Variants in TRAK2 observed in about 807,000 individuals in gnomAD.
TRAK2 encodes the protein trafficking kinesin protein 2.
In TRAK2, 81 loss-of-function variants were observed where a neutral mutation model predicts 104.6. The observed-to-expected ratio is 0.77, with a 90% confidence interval of 0.65 to 0.93. The LOEUF is 0.93. Ranked by LOEUF, TRAK2 falls within the 40% of genes least tolerant of loss-of-function variation. The pLI, the probability that TRAK2 is intolerant of heterozygous loss-of-function variation, is 0.00. For synonymous variants in TRAK2, 406 were observed against 394.4 expected, an observed-to-expected ratio of 1.03 and a Z score of -0.35; for missense variants, 1,002 against 1,089.0, an observed-to-expected ratio of 0.92 and a Z score of 1.12.
At position 201,398,151 on chromosome 2, in the gene TRAK2, T is replaced by A; in HGVS notation, c.684A>T (p.Arg228=). 6.2e-7 allele frequency: 1 copy of A among 1,613,392 alleles called. No individual in the cohort carries two copies. The highest frequency in any genetic ancestry group is 1.1e-5 in the South Asian group (1 of 91,054). Residue 228 remains arginine, a synonymous_variant, in exon 6 of 16, where the codon CGA becomes CGT. Transcript: ENST00000332624. ...GCAATTAGGTTGAACGTACCTTGGA[T>A]CGAAGAGCCATATTCTCTTCTTCCA... ...KELEEENMAL[R]SKACHIKTET...
Position 201,384,162 on chromosome 2 carries a change from A to G in TRAK2, c.2018T>C (p.Phe673Ser), listed in dbSNP as rs1400352525. 6.2e-7 allele frequency: 1 copy of G among 1,613,656 alleles called. No individual in the cohort carries two copies. Among genetic ancestry groups the G allele is most frequent in the African/African-American group, 1.3e-5 (1 of 74,990 alleles). ...GGGATGTAATATTCTACAGGTGGTG[A>G]AAGTGAATGTTGAGTTTGTGCACGA... ...CLSCTNSTFT[F>S]TTCRILHPSD... The change falls in exon 15 of 16, where the codon TTC (phenylalanine) becomes TCC (serine). Residue 673 changes from phenylalanine (F) to serine (S), a missense_variant. Phe to Ser is a radical substitution (Grantham distance 155). Coordinates refer to ENST00000332624, the MANE Select transcript of TRAK2 (RefSeq NM_015049.3).
chr2:201,410,662 T>TG, intron 2 of TRAK2: 1 of 1,298,846 alleles, frequency 7.7e-7, no homozygotes, highest in Non-Finnish European at 1.1e-6. Context: ...AAAGGCAGAT[T>TG]GTCCTATCAT....
intron 3 of TRAK2, among the ~76,000 whole-genome samples, chr2:201,406,343 A>G (rs1337551597): frequency 1.3e-5 from 2 of 152,246 alleles, no homozygotes; most frequent in East Asian, 1.9e-4. Context: ...AGTATTTCAC[A>G]GTAGACATTC....
intron 10 of TRAK2, among the ~76,000 whole-genome samples, chr2:201,390,419 C>CCGGG (rs1477449205): frequency 7.2e-6 from 1 of 137,974 alleles, no homozygotes; most frequent in East Asian, 2.1e-4. Context: ...AAAAAATTAG[C>CCGGG]CGGGTGTGCT....
At chr2:201,427,408 G>A (rs1021972141) in intron 1 of TRAK2, among the ~76,000 whole-genome samples, 3 of 148,834 alleles carry the variant, frequency 2.0e-5, no homozygotes, top group Non-Finnish European at 4.4e-5. Context: ...AACTATGAGT[G>A]AGAACATGTG....
At chr2:201,440,824 G>T (rs1188195899) in intron 1 of TRAK2, among the ~76,000 whole-genome samples, 1 of 152,104 alleles carries the variant, frequency 6.6e-6, no homozygotes, top group Non-Finnish European at 1.5e-5. Context: ...AAAAAAATTT[G>T]CAACCTCTGG....
At chr2:201,391,160 T>C (rs1413608287) in intron 10 of TRAK2, among the ~76,000 whole-genome samples, 1 of 152,102 alleles carries the variant, frequency 6.6e-6, no homozygotes, top group East Asian at 1.9e-4. Context: ...TTTGGAGAAA[T>C]GGCTGATTCC....
chr2:201,413,145 T>C, intron 2 of TRAK2: 3 of 1,436,804 alleles, frequency 2.1e-6, no homozygotes, highest in Non-Finnish European at 1.9e-6. Context: ...CTTTGTTGAC[T>C]TTTTTGTGCC....
At chr2:201,415,809 C>T (rs899210381) in intron 2 of TRAK2, among the ~76,000 whole-genome samples, 1 of 151,860 alleles carries the variant, frequency 6.6e-6, no homozygotes, top group African/African-American at 2.4e-5. Context: ...AAATGGTGGC[C>T]GAAGTCTTCC....
At chr2:201,382,097 C>T (rs909030004) in intron 15 of TRAK2, among the ~76,000 whole-genome samples, 2 of 152,318 alleles carry the variant, frequency 1.3e-5, no homozygotes, top group Admixed American at 6.5e-5. Context: ...GTCACCTCAA[C>T]CTTCCATGCC....
At chr2:201,450,101 T>C (rs1390663438) in intron 1 of TRAK2, among the ~76,000 whole-genome samples, 1 of 152,152 alleles carries the variant, frequency 6.6e-6, no homozygotes, top group Admixed American at 6.5e-5. Context: ...TGAGACTTGC[T>C]GGACATTACT....
At position 201,381,106 on chromosome 2, in the gene TRAK2, G is replaced by A. The variant is rs747395607; in HGVS notation, c.2182C>T (p.Arg728Ter). ...RLSIGESITNRRDSTTTFSST... is the reference protein window; with the variant it reads ...RLSIGESITN The stretch of plus-strand genomic sequence containing the variant: ...CTGAAGGTTGTAGTGGAATCTCGTC[G>A]GTTGGTGATGGACTCACCAATGCTG... Residue 728 changes from arginine (R) to a stop codon, truncating the protein, a stop_gained, in exon 16 of 16, where the codon CGA becomes TGA. Transcript: ENST00000332624. LOFTEE classifies it high-confidence loss of function. 15 of 1,613,884 alleles carry A rather than the reference G, an allele frequency of 9.3e-6. No homozygotes were observed. Among genetic ancestry groups the A allele is most frequent in the African/African-American group, 2.7e-5 (2 of 74,866 alleles).
In TRAK2 at chr2:201,447,998, T is replaced by C. The variant is rs1036896262; in HGVS notation, c.-200+3352A>G. On this transcript the variant is annotated intron_variant, in intron 1 of 15. Transcript: ENST00000332624. The surrounding 1 kb of genome is among the most constrained non-coding windows in gnomAD (Gnocchi z 4.1). Reference sequence around the variant, plus strand: ...AAGAGCAAAGACTAAATTCCTAGCATTGGCACAGTGTGTGGCACACAGAAG... The same window carrying C: ...AAGAGCAAAGACTAAATTCCTAGCACTGGCACAGTGTGTGGCACACAGAAG... Among the ~76,000 whole-genome samples, 3 of 152,204 alleles carry C rather than the reference T, an allele frequency of 2.0e-5. No individual in the cohort carries two copies. Among genetic ancestry groups the C allele is most frequent in the African/African-American group, 7.2e-5 (3 of 41,446 alleles).
intron 2 of TRAK2, among the ~76,000 whole-genome samples, chr2:201,414,503 A>C (rs1366616136): frequency 6.6e-6 from 1 of 152,200 alleles, no homozygotes; most frequent in East Asian, 1.9e-4. Flanking sequence ...TGACTTCACA[A>C]TGACATTTTA....
intron 1 of TRAK2, among the ~76,000 whole-genome samples, chr2:201,424,112 A>G (rs183543638): frequency 6.6e-6 from 1 of 152,374 alleles, no homozygotes; most frequent in African/African-American, 2.4e-5. Context: ...TAAAGGAAAT[A>G]GAATTATAAT....
intron 2 of TRAK2, chr2:201,413,454 G>T: frequency 2.3e-6 from 1 of 436,500 alleles, no homozygotes; most frequent in Non-Finnish European, 4.0e-6. Flanking sequence ...AAGGGATAGG[G>T]AGGGGAGGGA....
At chr2:201,389,148 A>G (rs1951420108) in intron 12 of TRAK2, 152 bp downstream of exon 12, 1 of 768,584 alleles carries the variant, frequency 1.3e-6, no homozygotes, top group Admixed American at 2.5e-5. Flanking sequence ...GATCTGTCTC[A>G]TGAATAATGA....
At chr2:201,382,664 GA>G (rs1559435892) in intron 15 of TRAK2, among the ~76,000 whole-genome samples, 1 of 152,190 alleles carries the variant, frequency 6.6e-6, no homozygotes, top group South Asian at 2.1e-4. Flanking sequence ...GAACAATGTA[GA>G]AAAAAATGCA....
Position 201,389,356 on chromosome 2 carries a change from C to T in TRAK2, c.1341G>A (p.Gln447=). 1 of 1,614,140 alleles carries T rather than the reference C, an allele frequency of 6.2e-7. No individual in the cohort carries two copies. Residue 447 remains glutamine, a synonymous_variant, in exon 12 of 16, where the codon CAG becomes CAA. Coordinates refer to ENST00000332624, the MANE Select transcript of TRAK2 (RefSeq NM_015049.3). ...MTAKPFESGL[Q]QTEDKSLLNQ... ...TCAGGAGTGATTTGTCCTCTGTTTG[C>T]TGAAGACCAGACTCAAAAGGTTTTG...
Sources: gnomAD v4.1 joint callset for allele counts (sites outside exome capture counted in the v4.1 genomes callset) on GRCh38, gnomAD v4.1.1 for gene constraint, Gnocchi (gnomAD v3.1) non-coding constraint, MANE v1.5 for transcripts, NCBI Gene and HGNC (gene_info 2026-07-23, HGNC 2026-07-21) for gene names.